The following NCOA4 variants were observed in gnomAD, a reference collection of about 807,000 sequenced individuals.
NCOA4 encodes the protein nuclear receptor coactivator 4.
NCOA4 carries 31 observed loss-of-function variants against 69.5 expected under a neutral mutation model. The ratio of observed to expected loss-of-function variants is 0.45; its 90% confidence interval spans 0.34 to 0.60. The LOEUF is 0.60. Ranked by LOEUF, NCOA4 falls within the 20% of genes least tolerant of loss-of-function variation. The pLI, the probability that NCOA4 is intolerant of heterozygous loss-of-function variation, is 0.02. For synonymous variants in NCOA4, 228 were observed against 252.4 expected, an observed-to-expected ratio of 0.90 and a Z score of 0.92; for missense variants, 600 against 719.2, an observed-to-expected ratio of 0.83 and a Z score of 1.90.
At chr10:46,021,830 A>C (rs1554924424) in intron 1 of NCOA4, among the ~76,000 whole-genome samples, 1 of 152,132 alleles carries the variant, frequency 6.6e-6, no homozygotes, top group African/African-American at 2.4e-5. Flanking sequence ...GTGGTGGCGC[A>C]TGCCTGTAAT....
Position 46,010,595 on chromosome 10 carries a change from C to T in NCOA4, c.1326G>A (p.Met442Ile), listed in dbSNP as rs1554921052. The T allele has an allele frequency of 1.2e-6, 2 of 1,614,056 alleles. No individual in the cohort carries two copies. Among genetic ancestry groups the T allele is most frequent in the African/African-American group, 1.3e-5 (1 of 74,898 alleles). Residue 442 changes from methionine to isoleucine, a missense_variant, in exon 8 of 10, where the codon ATG becomes ATA. Physicochemically the swap from Met to Ile is conservative, Grantham distance 10. Transcript: ENST00000581486. ...LKKEGKDKNG[M>I]PVEPKPEPEK... ...CAGGCTCAGGTTTGGGTTCCACAGG[C>T]ATCCCATTTTTATCCTTTCCTTCTT...
At chr10:46,009,839 G>A (rs1268470886) in intron 8 of NCOA4, among the ~76,000 whole-genome samples, 1 of 152,140 alleles carries the variant, frequency 6.6e-6, no homozygotes, top group Non-Finnish European at 1.5e-5. Flanking sequence ...TTAAGGATCT[G>A]GCTGGCCGGT....
intron 2 of NCOA4, among the ~76,000 whole-genome samples, chr10:46,015,510 A>T: frequency 6.6e-6 from 1 of 152,248 alleles, no homozygotes; most frequent in East Asian, 1.9e-4. Flanking sequence ...AGCCCTATGG[A>T]CCCCAATTTA....
chr10:46,028,469 G>A (rs782149180), intron 1 of NCOA4, among the ~76,000 whole-genome samples: 4 of 150,946 alleles, frequency 2.6e-5, no homozygotes, highest in South Asian at 2.1e-4. Flanking sequence ...ACTATGTGCC[G>A]AGCCTTTTTT....
intron 1 of NCOA4, among the ~76,000 whole-genome samples, chr10:46,026,410 T>A (rs1231893137): frequency 1.3e-5 from 2 of 152,162 alleles, no homozygotes; most frequent in Non-Finnish European, 2.9e-5. Context: ...ACTCTGGATT[T>A]TTTCTTCAGA....
chr10:46,011,214 A>G lies in NCOA4; in HGVS notation c.715-8T>C. ...GCAGGCTCTGGAAGAAGTCTACACA[A>G]AAAGTACACAGTATTAGTTTGCCAG... is the stretch of plus-strand genomic sequence containing the variant. On this transcript the variant is annotated splice_polypyrimidine_tract_variant and splice_region_variant and intron_variant, in intron 7 of 9. Coordinates refer to ENST00000581486, the MANE Select transcript of NCOA4 (RefSeq NM_001145263.2). 6.4e-7 allele frequency: 1 copy of G among 1,573,200 alleles called. No homozygotes were observed. The highest frequency in any genetic ancestry group is 8.6e-7 in the Non-Finnish European group (1 of 1,165,484).
intron 5 of NCOA4, among the ~76,000 whole-genome samples, chr10:46,014,009 G>C (rs1242245732): frequency 2.0e-5 from 3 of 152,016 alleles, no homozygotes; most frequent in Non-Finnish European, 2.9e-5. Flanking sequence ...TACCAACCTA[G>C]GCAACTTAAT....
chr10:46,012,858 A>G, intron 7 of NCOA4, 25 bp downstream of exon 7: 1 of 1,613,300 alleles, frequency 6.2e-7, no homozygotes, highest in Non-Finnish European at 8.5e-7. Flanking sequence ...TGTCTACTGT[A>G]GAAACAATAA....
intron 1 of NCOA4, among the ~76,000 whole-genome samples, chr10:46,024,198 G>A (rs1554925080): frequency 6.6e-6 from 1 of 152,026 alleles, no homozygotes; most frequent in Non-Finnish European, 1.5e-5. Flanking sequence ...GCCCTCCTTG[G>A]ATAATACATT....
chr10:46,021,145 C>G (rs1554924283), intron 1 of NCOA4, among the ~76,000 whole-genome samples: 1 of 152,194 alleles, frequency 6.6e-6, no homozygotes, highest in African/African-American at 2.4e-5. Flanking sequence ...AATTGAGCAA[C>G]TAACCACAAA....
chr10:46,020,295 T>G (rs1839799244), intron 1 of NCOA4, among the ~76,000 whole-genome samples: 1 of 152,222 alleles, frequency 6.6e-6, no homozygotes, highest in Non-Finnish European at 1.5e-5. Context: ...TTGAGACCCC[T>G]GAGCTAGTAA....
intron 1 of NCOA4, among the ~76,000 whole-genome samples, chr10:46,029,034 TAAA>T (rs1241509592): frequency 1.1e-5 from 1 of 90,728 alleles, no homozygotes; most frequent in Non-Finnish European, 2.5e-5. Flanking sequence ...ACTGATTTAA[TAAA>T]AAAAAAAAAA....
chr10:46,009,269 C>G, intron 9 of NCOA4, 142 bp downstream of exon 9: 1 of 1,478,968 alleles, frequency 6.8e-7, no homozygotes, highest in Non-Finnish European at 9.3e-7. Context: ...ATGAGCTCCC[C>G]CGTCCCACCC....
At chr10:46,009,608 CTT>C in intron 8 of NCOA4, 57 bp from the exon 9 acceptor site, 1 of 1,482,540 alleles carries the variant, frequency 6.7e-7, no homozygotes, top group Non-Finnish European at 9.2e-7. Flanking sequence ...ATGAGACCAA[CTT>C]ATCTTCCAAA....
intron 1 of NCOA4, among the ~76,000 whole-genome samples, chr10:46,029,787 T>C (rs1840358711): frequency 6.6e-6 from 1 of 152,206 alleles, no homozygotes; most frequent in Non-Finnish European, 1.5e-5. Context: ...ATTATTGTTT[T>C]CCCCACAACA....
chr10:46,006,990 T>A (rs561058734), intron 9 of NCOA4, among the ~76,000 whole-genome samples: 1 of 152,204 alleles, frequency 6.6e-6, no homozygotes, highest in East Asian at 1.9e-4. Flanking sequence ...GAAAGTCATG[T>A]TGAAGGCCAC....
At chr10:46,013,058 CA>C in intron 6 of NCOA4, 32 bp from the exon 7 acceptor site, 1 of 1,608,240 alleles carries the variant, frequency 6.2e-7, no homozygotes, top group African/African-American at 1.3e-5. Flanking sequence ...ATGTCAAATG[CA>C]GTAGAAAGTT....
chr10:46,020,100 T>A (rs541789969), intron 1 of NCOA4, among the ~76,000 whole-genome samples: 1 of 152,212 alleles, frequency 6.6e-6, no homozygotes, highest in Non-Finnish European at 1.5e-5. Context: ...CAAATCACAA[T>A]GAGCCTAAGC....
chr10:46,023,038 A>G (rs1283665881), intron 1 of NCOA4, among the ~76,000 whole-genome samples: 2 of 152,268 alleles, frequency 1.3e-5, no homozygotes, highest in Non-Finnish European at 2.9e-5. Flanking sequence ...ACTGAGGGCA[A>G]TAAATCCCAG....
Sources: allele counts gnomAD v4.1 joint callset (sites outside exome capture counted in the v4.1 genomes callset), GRCh38; gene constraint gnomAD v4.1.1; transcripts MANE v1.5; gene names NCBI Gene and HGNC (gene_info 2026-07-23, HGNC 2026-07-21).